The following GRIN3A variants were observed in gnomAD, a reference collection of about 807,000 sequenced individuals.
GRIN3A encodes the protein glutamate receptor ionotropic, NMDA 3A.
Under a neutral mutation model 92.4 loss-of-function variants are expected in GRIN3A, and 47 were observed. The ratio of observed to expected loss-of-function variants is 0.51; its 90% CI spans 0.40 to 0.65. The LOEUF is 0.65. GRIN3A is among the 30% of genes least tolerant of loss of function. The probability of loss-of-function intolerance (pLI) is 0.00; values close to 1 mark genes in which losing one functional copy is unlikely to be tolerated. For synonymous variants in GRIN3A, 527 were observed against 540.6 expected (o/e 0.97, Z 0.35); for missense variants, 1,324 against 1,393.1 (o/e 0.95, Z 0.79).
At chr9:101,589,274 T>G (rs2118803785) in intron 6 of GRIN3A, among the ~76,000 whole-genome samples, 1 of 152,192 alleles carries the variant, frequency 6.6e-6, no homozygotes, top group African/African-American at 2.4e-5. Flanking sequence ...CACCTGGCCA[T>G]GTATAGCATT....
intron 6 of GRIN3A, among the ~76,000 whole-genome samples, 197 bp from the exon 7 acceptor site, chr9:101,579,557 C>T (rs773939398): frequency 5.9e-5 from 9 of 151,816 alleles, no homozygotes; most frequent in Non-Finnish European, 1.0e-4. Context: ...TGAGGGCTGC[C>T]GAGGAGCACC....
intron 1 of GRIN3A, among the ~76,000 whole-genome samples, chr9:101,724,410 T>G (rs1480045006): frequency 6.6e-6 from 1 of 151,978 alleles, no homozygotes; most frequent in East Asian, 1.9e-4. Context: ...CTGCTCCGAG[T>G]GCGGGGCCCG....
chr9:101,596,723 C>T (rs751206074), intron 6 of GRIN3A, among the ~76,000 whole-genome samples: 1 of 152,136 alleles, frequency 6.6e-6, no homozygotes, highest in African/African-American at 2.4e-5. Flanking sequence ...AGTTTCTTGG[C>T]TGCAAGTAAA....
intron 1 of GRIN3A, among the ~76,000 whole-genome samples, chr9:101,732,881 G>C (rs1830157116): frequency 6.6e-6 from 1 of 152,110 alleles, no homozygotes; most frequent in Admixed American, 6.5e-5. Context: ...GATGCTCAGA[G>C]ATAGTCACTT....
intron 6 of GRIN3A, among the ~76,000 whole-genome samples, chr9:101,609,087 G>A (rs986818422): frequency 2.0e-5 from 3 of 152,180 alleles, no homozygotes; most frequent in Non-Finnish European, 4.4e-5. Context: ...TTCACGCTTC[G>A]TGATTTGACC....
At chr9:101,590,406 G>T (rs1226629747) in intron 6 of GRIN3A, among the ~76,000 whole-genome samples, 1 of 127,476 alleles carries the variant, frequency 7.8e-6, no homozygotes, top group Non-Finnish European at 1.8e-5. Context: ...TTTTGAGATG[G>T]AATCTCGCTC....
chr9:101,664,966 C>T (rs375195792), intron 3 of GRIN3A, among the ~76,000 whole-genome samples: 44 of 151,790 alleles, frequency 2.9e-4, no homozygotes, highest in African/African-American at 1.0e-3. Context: ...ACAAATCTTA[C>T]CTTGTAAGTC....
chr9:101,731,470 T>G (rs1830138998), intron 1 of GRIN3A, among the ~76,000 whole-genome samples: 1 of 152,210 alleles, frequency 6.6e-6, no homozygotes, highest in South Asian at 2.1e-4. Flanking sequence ...AAATCTATGC[T>G]TCAAATGAAT....
intron 5 of GRIN3A, among the ~76,000 whole-genome samples, chr9:101,619,602 TA>T (rs1828521681): frequency 6.6e-6 from 1 of 152,232 alleles, no homozygotes; most frequent in African/African-American, 2.4e-5. Context: ...GTAGATTAGA[TA>T]ACTTGCCAGT....
At chr9:101,699,661 T>A (rs946905361) in intron 1 of GRIN3A, among the ~76,000 whole-genome samples, 1 of 152,166 alleles carries the variant, frequency 6.6e-6, no homozygotes, top group Non-Finnish European at 1.5e-5. Context: ...ACTCAGGATC[T>A]CTTGCCTCCC....
chr9:101,662,371 C>G (rs1829181996), intron 3 of GRIN3A, among the ~76,000 whole-genome samples: 1 of 151,460 alleles, frequency 6.6e-6, no homozygotes, highest in Admixed American at 6.6e-5. Flanking sequence ...TATTTTGTGC[C>G]CCTTAGGTGT....
chr9:101,698,431 C>T (rs928210944), intron 1 of GRIN3A, among the ~76,000 whole-genome samples: 2 of 152,070 alleles, frequency 1.3e-5, no homozygotes, highest in Non-Finnish European at 1.5e-5. Context: ...TACAGTCGTG[C>T]GTCACTTAAC....
intron 6 of GRIN3A, among the ~76,000 whole-genome samples, chr9:101,607,245 G>T (rs1828299094): frequency 6.6e-6 from 1 of 152,034 alleles, no homozygotes. Flanking sequence ...ATAGGTCAAG[G>T]TTCTCACATT....
intron 6 of GRIN3A, among the ~76,000 whole-genome samples, chr9:101,590,799 A>G (rs982087476): frequency 6.6e-6 from 1 of 152,204 alleles, no homozygotes; most frequent in Non-Finnish European, 1.5e-5. Context: ...TCAGTACTAT[A>G]AGTAGAGAAT....
At chr9:101,603,504 C>G (rs958182476) in intron 6 of GRIN3A, among the ~76,000 whole-genome samples, 1 of 152,160 alleles carries the variant, frequency 6.6e-6, no homozygotes, top group Non-Finnish European at 1.5e-5. Flanking sequence ...AGTGGTGGAG[C>G]TGGGAGTCAA....
chr9:101,667,030 C>G (rs796835136), intron 3 of GRIN3A, among the ~76,000 whole-genome samples: 7 of 152,028 alleles, frequency 4.6e-5, no homozygotes, highest in African/African-American at 1.7e-4. Flanking sequence ...CTCTTCTTAG[C>G]CTGACATCAA....
intron 3 of GRIN3A, among the ~76,000 whole-genome samples, chr9:101,666,344 G>C (rs766573229): frequency 1.4e-4 from 22 of 151,964 alleles, no homozygotes; most frequent in African/African-American, 5.3e-4. Context: ...AAAATGCCAC[G>C]TATGCTATAG....
At chr9:101,613,714 G>A (rs573073999) in intron 5 of GRIN3A, among the ~76,000 whole-genome samples, 187 bp from the exon 6 acceptor site, 3 of 152,316 alleles carry the variant, frequency 2.0e-5, no homozygotes, top group African/African-American at 7.2e-5. Context: ...GCATCTCTGA[G>A]TAGATGAATT....
chr9:101,612,371 A>C lies in GRIN3A; in HGVS notation c.2766+1005T>G, dbSNP rs111990775. On this transcript the variant is annotated intron_variant, in intron 6 of 8. Coordinates refer to ENST00000361820, the MANE Select transcript of GRIN3A (RefSeq NM_133445.3). The stretch of plus-strand genomic sequence containing the variant: ...TAGATGGCCAGAGGAGCCATTACCA[A>C]GATGTGAGGCACAGGAGGAAAAATA... Among the ~76,000 whole-genome samples the C allele has an allele frequency of 3.7e-3, 566 of 152,338 alleles. 7 individuals carry two copies. Among genetic ancestry groups the C allele is most frequent in the African/African-American group, 0.013 (531 of 41,582 alleles).
Sources: gnomAD v4.1 joint callset for allele counts (sites outside exome capture counted in the v4.1 genomes callset) on GRCh38, gnomAD v4.1.1 for gene constraint, MANE v1.5 for transcripts, NCBI Gene and HGNC (gene_info 2026-07-23, HGNC 2026-07-21) for gene names.